The following PI16 variants were observed in gnomAD, a reference collection of about 807,000 sequenced individuals.
The protein encoded by PI16 is PSP94-binding protein.
Under a neutral mutation model 38.0 loss-of-function variants are expected in PI16, and 35 were observed. That is an observed-to-expected ratio of 0.92 (90% CI 0.70 to 1.22). The LOEUF (loss-of-function observed/expected upper bound fraction) is 1.22. PI16 is among the 50% of genes most tolerant of loss of function. The pLI, the probability that PI16 is intolerant of heterozygous loss-of-function variation, is 0.00. For synonymous variants in PI16, 275 were observed against 252.9 expected, an observed-to-expected ratio of 1.09 and a Z score of -0.83; for missense variants, 572 against 593.8, an observed-to-expected ratio of 0.96 and a Z score of 0.38.
At position 36,955,724 on chromosome 6, in the gene PI16, C is replaced by T. The variant is rs576982655; in HGVS notation, c.171+793C>T. Among the ~76,000 whole-genome samples the T allele has an allele frequency of 2.0e-5, 3 of 152,328 alleles. No individual in the cohort carries two copies. In the South Asian group the frequency reaches 6.2e-4, roughly 32 times the overall value. ...AAATACTATTTATGTCCTGGTGAAACACGCAGATGTAGTAAACATTACATG... is the reference window on the plus strand; with the variant it reads ...AAATACTATTTATGTCCTGGTGAAATACGCAGATGTAGTAAACATTACATG... On this transcript the variant is annotated intron_variant, in intron 1 of 6. Coordinates refer to ENST00000373674, the MANE Select transcript of PI16 (RefSeq NM_153370.3).
At chr6:36,963,793 G>T in intron 5 of PI16, 30 bp from the exon 6 acceptor site, 1 of 1,559,258 alleles carries the variant, frequency 6.4e-7, no homozygotes, top group South Asian at 1.2e-5. Context: ...GCTGTCTCTA[G>T]GCTGAGGCAA....
In PI16 at chr6:36,962,992, C is replaced by T. The variant is rs1175845716; in HGVS notation, c.650C>T (p.Pro217Leu). 3 of 1,614,228 alleles carry T rather than the reference C, an allele frequency of 1.9e-6. No homozygotes were observed. The East Asian group carries it at 6.7e-5, about 36-fold the overall frequency. ...QDLPYLVTEA[P>L]SFRATEASDS... ...TTGCCTTACCTGGTAACTGAGGCCC[C>T]ATCCTTCCGGGCGACTGAAGCATCA... The change falls in exon 5 of 7, where the codon CCA becomes CTA. Residue 217 changes from proline (P) to leucine (L), a missense_variant. Physicochemically the swap from Pro to Leu is moderately conservative, Grantham distance 98 (BLOSUM62 -3). Coordinates refer to ENST00000373674, the MANE Select transcript of PI16 (RefSeq NM_153370.3). This position sits in a 1 kb window ranked among gnomAD's most constrained non-coding sequence, Gnocchi z 4.1.
At chr6:36,951,587 T>C (rs939489041), upstream of PI16, among the ~76,000 whole-genome samples, 1 of 152,184 alleles carries the variant, frequency 6.6e-6, no homozygotes, top group African/African-American at 2.4e-5. Flanking sequence ...TGTTGAGTTG[T>C]AGGAGTTTTA....
At chr6:36,959,561 C>CT (rs1246085270) in intron 2 of PI16, among the ~76,000 whole-genome samples, 195 bp downstream of exon 2, 4 of 152,220 alleles carry the variant, frequency 2.6e-5, no homozygotes, top group Non-Finnish European at 4.4e-5. Context: ...GTCTAAGACT[C>CT]TGACGGAGTC....
intron 1 of PI16, among the ~76,000 whole-genome samples, chr6:36,949,413 C>T (rs62406498): frequency 0.11 from 16,101 of 152,200 alleles, 1,084 homozygotes; most frequent in Middle Eastern, 0.2. Flanking sequence ...TGAGCCACCG[C>T]GCCCGGTCAC....
At chr6:36,960,645 C>A (rs935990193) in intron 2 of PI16, among the ~76,000 whole-genome samples, 2 of 143,326 alleles carry the variant, frequency 1.4e-5, no homozygotes, top group African/African-American at 2.6e-5. Flanking sequence ...TCCCTCCACC[C>A]CCCCCCTCCC....
rs368712205 is a variant in PI16, at chr6:36,963,230, C to T, written c.888C>T (p.Ser296=). The change falls in exon 5 of 7, where the codon AGC becomes AGT. Residue 296 remains serine, a synonymous_variant. Coordinates refer to ENST00000373674, the MANE Select transcript of PI16 (RefSeq NM_153370.3). Reference sequence around the variant, plus strand: ...TCCCTTCCATTTTGGCAGCTCACAGCCTGCCCTCCTTGGATGAGGAGCCAG... The same window carrying T: ...TCCCTTCCATTTTGGCAGCTCACAGTCTGCCCTCCTTGGATGAGGAGCCAG... ...TEVPSILAAH[S]LPSLDEEPVT... is the part of the protein sequence containing the mutation. 8.1e-6 allele frequency: 13 copies of T among 1,614,122 alleles called. No homozygotes were observed. The highest frequency in any genetic ancestry group is 1.0e-5 in the Non-Finnish European group (12 of 1,180,050).
Position 36,962,828 on chromosome 6 carries a change from TTG to T in PI16, c.593-101_593-100del, listed in dbSNP as rs1466375792. The T allele has an allele frequency of 4.3e-6, 4 of 933,478 alleles. No individual in the cohort carries two copies. The highest frequency in any genetic ancestry group is 6.4e-6 in the Non-Finnish European group (4 of 621,510). 57.8% of individuals were successfully genotyped at this position (933,478 alleles called of 1,614,324 possible). A position where few individuals can be genotyped will look rare whatever the true frequency, so the allele number is the denominator to read the frequency against. Reference sequence around the variant, plus strand: ...CAGCTGGAGAAGTGTATGTGTGTGTTTGTGTGTCCTGGTAGGACATTTGGTCG... The same window carrying T: ...CAGCTGGAGAAGTGTATGTGTGTGTTTGTGTCCTGGTAGGACATTTGGTCG... On this transcript the variant is annotated intron_variant, in intron 4 of 6. Coordinates refer to ENST00000373674, the MANE Select transcript of PI16 (RefSeq NM_153370.3). The surrounding 1 kb of genome is among the most constrained non-coding windows in gnomAD (Gnocchi z 4.1).
Position 36,962,906 on chromosome 6 carries a change from C to G in PI16, c.593-29C>G, listed in dbSNP as rs1170934419. 4 of 1,576,934 alleles carry G rather than the reference C, an allele frequency of 2.5e-6. No homozygotes were observed. The highest frequency in any genetic ancestry group is 2.7e-5 in the African/African-American group (2 of 73,812). ...GAGATGTGGGGTCCTGCTTGCAGCA[C>G]TCATGCCCGTTCTCGTCTGTCTTAT... On this transcript the variant is annotated intron_variant, in intron 4 of 6. Transcript: ENST00000373674. The surrounding 1 kb of genome is among the most constrained non-coding windows in gnomAD (Gnocchi z 4.1).
At chr6:36,964,167 C>T (rs1763450162) in intron 6 of PI16, among the ~76,000 whole-genome samples, 1 of 152,232 alleles carries the variant, frequency 6.6e-6, no homozygotes, top group South Asian at 2.1e-4. Context: ...CCAGGAGTGC[C>T]TTGGCTCTGG....
upstream of PI16, among the ~76,000 whole-genome samples, chr6:36,953,582 A>T (rs543980017): frequency 6.6e-6 from 1 of 151,410 alleles, no homozygotes; most frequent in East Asian, 1.9e-4. Context: ...TTACTTGGAG[A>T]CTCAGGCAGG....
chr6:36,958,177 G>A (rs1213369799), intron 1 of PI16, among the ~76,000 whole-genome samples: 1 of 152,220 alleles, frequency 6.6e-6, no homozygotes, highest in Admixed American at 6.5e-5. Context: ...GGCGCTTTAT[G>A]GGCTGTCTGG....
upstream of PI16, among the ~76,000 whole-genome samples, chr6:36,952,931 T>C (rs1039910038): frequency 6.6e-6 from 1 of 152,192 alleles, no homozygotes; most frequent in Non-Finnish European, 1.5e-5. Flanking sequence ...AATCCATGAA[T>C]ATAGGATGAC....
At chr6:36,958,089 C>T (rs9380627) in intron 1 of PI16, among the ~76,000 whole-genome samples, 36,363 of 152,232 alleles carry the variant, frequency 0.24, 4,570 homozygotes, top group African/African-American at 0.29. Context: ...TGCCAGGCAG[C>T]GGCTCCTGAA....
chr6:36,961,465 G>A lies in PI16; in HGVS notation c.408G>A (p.Lys136=). 6.2e-7 allele frequency: 1 copy of A among 1,614,202 alleles called. No homozygotes were observed. The highest frequency in any genetic ancestry group is 1.1e-5 in the South Asian group (1 of 91,080). The stretch of plus-strand genomic sequence containing the variant: ...CCCTTCATCAGGTGGTATGGGCCAA[G>A]ACAGAGAGGATCGGCTGTGGTTCCC... ...CGHYTQVVWA[K]TERIGCGSHF... Residue 136 remains lysine, a synonymous_variant, in exon 3 of 7, where the codon AAG becomes AAA. Coordinates refer to ENST00000373674, the MANE Select transcript of PI16 (RefSeq NM_153370.3).
rs1192854219 is a variant in PI16, at chr6:36,954,939, T to C, written c.171+8T>C. The stretch of plus-strand genomic sequence containing the variant: ...TCAGACATGCTGCACATGGTAAGTG[T>C]GGCCACGGCCCTTGCTGGCTGGGAT... On this transcript the variant is annotated splice_region_variant and intron_variant, in intron 1 of 6. Coordinates refer to ENST00000373674, the MANE Select transcript of PI16 (RefSeq NM_153370.3). 1 of 1,611,662 alleles carries C rather than the reference T, an allele frequency of 6.2e-7. No homozygotes were observed. The highest frequency in any genetic ancestry group is 8.5e-7 in the Non-Finnish European group (1 of 1,179,500).
chr6:36,962,991 C>G lies in PI16; in HGVS notation c.649C>G (p.Pro217Ala). 1 of 1,614,178 alleles carries G rather than the reference C, an allele frequency of 6.2e-7. No individual in the cohort carries two copies. Among genetic ancestry groups the G allele is most frequent in the Non-Finnish European group, 8.5e-7 (1 of 1,180,026 alleles). The change falls in exon 5 of 7, where the codon CCA becomes GCA. Residue 217 changes from proline (P) to alanine (A), a missense_variant. Transcript: ENST00000373674. The surrounding 1 kb of genome is among the most constrained non-coding windows in gnomAD (Gnocchi z 4.1). ...TTTGCCTTACCTGGTAACTGAGGCCCCATCCTTCCGGGCGACTGAAGCATC... is the reference window on the plus strand; with the variant it reads ...TTTGCCTTACCTGGTAACTGAGGCCGCATCCTTCCGGGCGACTGAAGCATC... Reference protein sequence around the residue: ...QDLPYLVTEAPSFRATEASDS... With the variant: ...QDLPYLVTEAASFRATEASDS...
intron 2 of PI16, among the ~76,000 whole-genome samples, chr6:36,959,990 T>C (rs1763315663): frequency 6.6e-6 from 1 of 152,156 alleles, no homozygotes; most frequent in Non-Finnish European, 1.5e-5. Context: ...GGCCATACTG[T>C]ACTGGGCTCC....
At chr6:36,952,968 CTTTG>C (rs1332165231), upstream of PI16, among the ~76,000 whole-genome samples, 8 of 152,168 alleles carry the variant, frequency 5.3e-5, no homozygotes, top group Non-Finnish European at 1.0e-4. Context: ...TCTTCTTTCA[CTTTG>C]TTTGTCAACA....
Sources: gnomAD v4.1 joint callset for allele counts (sites outside exome capture counted in the v4.1 genomes callset) on GRCh38, gnomAD v4.1.1 for gene constraint, Gnocchi (gnomAD v3.1) non-coding constraint, MANE v1.5 for transcripts, NCBI Gene and HGNC (gene_info 2026-07-23, HGNC 2026-07-21) for gene names.